The following SDK1 variants were observed in gnomAD, a reference collection of about 807,000 sequenced individuals.
The protein encoded by SDK1 is sidekick cell adhesion molecule 1.
In SDK1, 157 loss-of-function variants were observed where a neutral mutation model predicts 245.5. The observed-to-expected ratio is 0.64, with a 90% CI of 0.56 to 0.73. SDK1 has a LOEUF of 0.73. Among genes scored for constraint, SDK1 ranks in the 30% least tolerant of loss-of-function variants. The pLI, the probability that SDK1 is intolerant of heterozygous loss-of-function variation, is 0.00. For synonymous variants in SDK1, 1,647 were observed against 1,278.5 expected, an observed-to-expected ratio of 1.29 and a Z score of -6.15; for missense variants, 3,583 against 3,002.3, an observed-to-expected ratio of 1.19 and a Z score of -4.52.
intron 1 of SDK1, among the ~76,000 whole-genome samples, chr7:3,615,808 C>G (rs73673650): frequency 0.015 from 2,312 of 151,656 alleles, 76 homozygotes; most frequent in African/African-American, 0.054. Context: ...TCTTTTTTTC[C>G]TTCTCACATT....
chr7:3,554,659 G>C (rs1271358148), intron 1 of SDK1, among the ~76,000 whole-genome samples: 2 of 152,230 alleles, frequency 1.3e-5, no homozygotes, highest in African/African-American at 4.8e-5. Flanking sequence ...GCACTGAGGA[G>C]AGTAGGAGAG....
At chr7:3,538,465 T>G (rs561378979) in intron 1 of SDK1, among the ~76,000 whole-genome samples, 2 of 152,220 alleles carry the variant, frequency 1.3e-5, no homozygotes, top group Admixed American at 1.3e-4. Flanking sequence ...GAAATCTGAA[T>G]TTCCTTATTT....
intron 25 of SDK1, among the ~76,000 whole-genome samples, chr7:4,117,417 A>G (rs1408873186): frequency 1.3e-5 from 2 of 152,232 alleles, no homozygotes; most frequent in Admixed American, 6.5e-5. Context: ...GCACTGAGCT[A>G]TGATCGCACC....
intron 1 of SDK1, among the ~76,000 whole-genome samples, chr7:3,584,946 G>A (rs987572372): frequency 2.6e-5 from 4 of 151,934 alleles, no homozygotes; most frequent in Admixed American, 6.6e-5. Context: ...GGATGGTCCC[G>A]ATCTCCTGAC....
At chr7:3,782,380 C>T (rs192024886) in intron 4 of SDK1, among the ~76,000 whole-genome samples, 1 of 152,214 alleles carries the variant, frequency 6.6e-6, no homozygotes, top group Non-Finnish European at 1.5e-5. Flanking sequence ...CACCTCCCAT[C>T]AGGCCTCACC....
chr7:3,789,031 G>T lies in SDK1; in HGVS notation c.714-32419G>T, dbSNP rs141751407. 3.3e-5 allele frequency among the ~76,000 whole-genome samples: 5 copies of T among 152,342 alleles called. No homozygotes were observed. The South Asian group carries it at 8.3e-4, about 25-fold the overall frequency. On this transcript the variant is annotated intron_variant, in intron 4 of 44. Coordinates refer to ENST00000404826, the MANE Select transcript of SDK1 (RefSeq NM_152744.4). ...ACGGCTGACAAGCTCCTTTCTGAGG[G>T]AGCAGAGCTTGACCATATACAAGAT...
Position 4,067,890 on chromosome 7 carries a change from C to T in SDK1, c.2964C>T (p.Leu988=), listed in dbSNP as rs375033498. ...TCACAGAGATCTTGGACACATCTCT[C>T]AAGGTCAGCTGGCAGGAGCCCCTGG... ...LSFTEILDTS[L]KVSWQEPLEK... The change falls in exon 20 of 45, where the codon CTC becomes CTT. Residue 988 remains leucine, a synonymous_variant. Transcript: ENST00000404826. 5 of 1,613,490 alleles carry T rather than the reference C, an allele frequency of 3.1e-6. No individual in the cohort carries two copies. The African/African-American group carries it at 4.0e-5, about 13-fold the overall frequency.
chr7:3,423,438 T>A (rs902057262), intron 1 of SDK1, among the ~76,000 whole-genome samples: 1 of 152,158 alleles, frequency 6.6e-6, no homozygotes, highest in Admixed American at 6.5e-5. Flanking sequence ...AAAGAGAACT[T>A]CTTGGGATAA....
intron 4 of SDK1, among the ~76,000 whole-genome samples, chr7:3,692,262 A>C (rs746723272): frequency 2.0e-5 from 3 of 152,216 alleles, no homozygotes; most frequent in Non-Finnish European, 2.9e-5. Context: ...GGAATAAATC[A>C]GGAAAAAGTA....
intron 22 of SDK1, among the ~76,000 whole-genome samples, chr7:4,102,312 C>T (rs115252950): frequency 0.01 from 1,580 of 152,132 alleles, 24 homozygotes; most frequent in African/African-American, 0.036. Flanking sequence ...GTGGTGGGCA[C>T]GGGGAGGAGC....
chr7:4,011,205 A>G (rs1785933072), intron 15 of SDK1, 92 bp downstream of exon 15: 3 of 1,469,286 alleles, frequency 2.0e-6, no homozygotes, highest in African/African-American at 1.4e-5. Flanking sequence ...AATTGATCAC[A>G]GCAACCCGCT....
At position 3,474,158 on chromosome 7, in the gene SDK1, G is replaced by C. The variant is rs866814155; in HGVS notation, c.299-144922G>C. Among the ~76,000 whole-genome samples, 37 of 141,720 alleles carry C rather than the reference G, an allele frequency of 2.6e-4. No individual in the cohort carries two copies. In the Middle Eastern group the frequency reaches 0.011, roughly 43 times the overall value. 93.0% of individuals were successfully genotyped at this position (141,720 alleles called of 152,430 possible). On this transcript the variant is annotated intron_variant, in intron 1 of 44. Coordinates refer to ENST00000404826, the MANE Select transcript of SDK1 (RefSeq NM_152744.4). ...CTCTCTGTTGCCCAGGCTGGGGCGC[G>C]GTGGCTCAATCTCGGCTCACTGCAA...
At chr7:3,716,875 A>G (rs532796890) in intron 4 of SDK1, among the ~76,000 whole-genome samples, 38 of 152,322 alleles carry the variant, frequency 2.5e-4, no homozygotes, top group African/African-American at 9.1e-4. Context: ...GAAAATGATC[A>G]GAGAAGAAGG....
chr7:4,170,747 C>G (rs1463331516), intron 32 of SDK1, among the ~76,000 whole-genome samples: 1 of 152,150 alleles, frequency 6.6e-6, no homozygotes, highest in Non-Finnish European at 1.5e-5. Context: ...TGAACCCCAT[C>G]AACACCCCCA....
chr7:3,342,312 G>C (rs1780369462), intron 1 of SDK1, among the ~76,000 whole-genome samples: 1 of 152,216 alleles, frequency 6.6e-6, no homozygotes, highest in African/African-American at 2.4e-5. Context: ...AAGTTAGCCA[G>C]GTGCGGTGGC....
At chr7:3,374,955 A>C (rs999997958) in intron 1 of SDK1, among the ~76,000 whole-genome samples, 2 of 152,156 alleles carry the variant, frequency 1.3e-5, no homozygotes, top group African/African-American at 4.8e-5. Flanking sequence ...TCTTTAGTTC[A>C]CTATCGTATA....
intron 1 of SDK1, among the ~76,000 whole-genome samples, chr7:3,610,032 G>C (rs1363102374): frequency 6.6e-6 from 1 of 152,170 alleles, no homozygotes; most frequent in African/African-American, 2.4e-5. Context: ...GGGCTCCAAA[G>C]TACTTGCTCT....
intron 1 of SDK1, among the ~76,000 whole-genome samples, chr7:3,332,038 T>C (rs1780081725): frequency 6.6e-6 from 1 of 152,234 alleles, no homozygotes; most frequent in Non-Finnish European, 1.5e-5. Flanking sequence ...TAAGCCTCTT[T>C]ATGCTTAGAA....
At chr7:3,643,217 C>G (rs901506067) in intron 4 of SDK1, 2 of 151,984 alleles carry the variant, frequency 1.3e-5, no homozygotes, top group African/African-American at 2.4e-5. Flanking sequence ...CCACCCCTAC[C>G]TGAGCATCTG....
Sources: allele counts gnomAD v4.1 joint callset (sites outside exome capture counted in the v4.1 genomes callset), GRCh38; gene constraint gnomAD v4.1.1; transcripts MANE v1.5; gene names NCBI Gene and HGNC (gene_info 2026-07-23, HGNC 2026-07-21).